Variants in MACROD2 observed in about 807,000 individuals in gnomAD.
MACROD2 encodes mono-ADP ribosylhydrolase 2, also known as ADP-ribose glycohydrolase MACROD2.
Under a neutral mutation model 70.4 loss-of-function variants are expected in MACROD2, and 36 were observed. The ratio of observed to expected loss-of-function variants is 0.51; its 90% CI spans 0.39 to 0.68. MACROD2 has a LOEUF of 0.68. MACROD2 is among the 30% of genes least tolerant of loss of function. The pLI is 0.00. For synonymous variants in MACROD2, 172 were observed against 178.8 expected, an observed-to-expected ratio of 0.96 and a Z score of 0.30; for missense variants, 496 against 538.4, an observed-to-expected ratio of 0.92 and a Z score of 0.78.
chr20:15,605,562 T>C (rs1429735643), intron 8 of MACROD2, among the ~76,000 whole-genome samples: 6 of 151,238 alleles, frequency 4.0e-5, no homozygotes, highest in Admixed American at 2.6e-4. Context: ...CAAAACCAAA[T>C]AGAATAAACA....
rs541713408 is a variant in MACROD2, at chr20:15,021,017, T to C, written c.419-208923T>C. On this transcript the variant is annotated intron_variant, in intron 5 of 17. Coordinates refer to ENST00000684519, the MANE Select transcript of MACROD2 (RefSeq NM_001351661.2). ...ATGTATATGCATACACATGTGTATA[T>C]GTATACACATGTGCATATACGTATA... Among the ~76,000 whole-genome samples, 58 of 147,510 alleles carry C rather than the reference T, an allele frequency of 3.9e-4. No individual in the cohort carries two copies. The South Asian group carries it at 9.0e-3, about 23-fold the overall frequency.
At chr20:14,067,896 A>C (rs2053786276) in intron 2 of MACROD2, among the ~76,000 whole-genome samples, 1 of 152,224 alleles carries the variant, frequency 6.6e-6, no homozygotes, top group Non-Finnish European at 1.5e-5. Context: ...TGTCAGTTGT[A>C]AGACCATGGG....
At chr20:15,516,164 T>C (rs186262895) in intron 8 of MACROD2, among the ~76,000 whole-genome samples, 3,671 of 123,226 alleles carry the variant, frequency 0.03, 144 homozygotes, top group African/African-American at 0.097. Context: ...TTTTTCTCTC[T>C]TTTTTTAGTC....
chr20:14,499,736 C>G (rs747576865), intron 4 of MACROD2, among the ~76,000 whole-genome samples: 6 of 151,980 alleles, frequency 3.9e-5, no homozygotes, highest in Non-Finnish European at 8.8e-5. Context: ...TCCTCCCCGT[C>G]TTCTGTCCTC....
At chr20:14,722,125 T>C (rs1267330133) in intron 5 of MACROD2, among the ~76,000 whole-genome samples, 1 of 152,228 alleles carries the variant, frequency 6.6e-6, no homozygotes, top group Non-Finnish European at 1.5e-5. Context: ...CAAGACTTCT[T>C]CATAAGACTC....
At chr20:16,030,381 A>G (rs1218482450) in intron 15 of MACROD2, among the ~76,000 whole-genome samples, 4 of 152,242 alleles carry the variant, frequency 2.6e-5, no homozygotes, top group African/African-American at 9.6e-5. Flanking sequence ...AAGGAGCCAC[A>G]GAGCAGTATA....
chr20:15,759,886 A>G (rs1390311109), intron 8 of MACROD2, among the ~76,000 whole-genome samples: 1 of 152,228 alleles, frequency 6.6e-6, no homozygotes, highest in East Asian at 1.9e-4. Flanking sequence ...ATGCATTTGT[A>G]CCAGGAAAAT....
intron 8 of MACROD2, among the ~76,000 whole-genome samples, chr20:15,820,967 A>C (rs142393176): frequency 3.1e-4 from 47 of 152,264 alleles, no homozygotes; most frequent in Admixed American, 8.5e-4. Context: ...CACATTACAC[A>C]ATGGAGCACC....
chr20:15,240,356 A>G (rs1052855646), intron 6 of MACROD2, among the ~76,000 whole-genome samples: 1 of 152,182 alleles, frequency 6.6e-6, no homozygotes, highest in Non-Finnish European at 1.5e-5. Context: ...ATTTTCTTCT[A>G]TAGAAGAATT....
At chr20:14,396,989 CTT>C (rs372145747) in intron 3 of MACROD2, among the ~76,000 whole-genome samples, 5 of 96,998 alleles carry the variant, frequency 5.2e-5, no homozygotes, top group African/African-American at 1.6e-4. Flanking sequence ...AGACCATTTA[CTT>C]TTTTTTTTTT....
At chr20:15,706,559 A>C (rs528894689) in intron 8 of MACROD2, among the ~76,000 whole-genome samples, 2 of 152,228 alleles carry the variant, frequency 1.3e-5, no homozygotes, top group Non-Finnish European at 2.9e-5. Flanking sequence ...TAAAATAAAA[A>C]GAGAGTAATT....
At chr20:15,194,505 C>T (rs1018270519) in intron 5 of MACROD2, among the ~76,000 whole-genome samples, 8 of 152,016 alleles carry the variant, frequency 5.3e-5, no homozygotes, top group African/African-American at 9.7e-5. Context: ...AATTCTAGTA[C>T]ACCCTTCACT....
chr20:14,485,798 C>T (rs1264682820), intron 3 of MACROD2, among the ~76,000 whole-genome samples: 1 of 149,532 alleles, frequency 6.7e-6, no homozygotes, highest in Non-Finnish European at 1.5e-5. Context: ...GATTCTTTAA[C>T]ATGTTCAAAT....
intron 4 of MACROD2, among the ~76,000 whole-genome samples, chr20:14,494,594 C>G (rs530308798): frequency 3.0e-4 from 45 of 152,246 alleles, no homozygotes; most frequent in African/African-American, 1.0e-3. Flanking sequence ...TACTAAATAT[C>G]TCCAAGCCTC....
At chr20:14,656,979 A>G (rs1986008678) in intron 4 of MACROD2, among the ~76,000 whole-genome samples, 2 of 152,300 alleles carry the variant, frequency 1.3e-5, no homozygotes, top group African/African-American at 2.4e-5. Flanking sequence ...CATACCTGTC[A>G]TAACATGTAT....
At chr20:15,061,385 G>A (rs2075531568) in intron 5 of MACROD2, among the ~76,000 whole-genome samples, 1 of 152,192 alleles carries the variant, frequency 6.6e-6, no homozygotes, top group African/African-American at 2.4e-5. Flanking sequence ...TAAGGAATCA[G>A]TGGATACCTA....
In MACROD2 at chr20:15,986,780, A is replaced by T; in HGVS notation, c.1039A>T (p.Ser347Cys). The T allele has an allele frequency of 6.2e-7, 1 of 1,613,202 alleles. No individual in the cohort carries two copies. The highest frequency in any genetic ancestry group is 1.1e-5 in the South Asian group (1 of 91,012). ...AATAAAAATTGAAACAGAATCGCAG[A>T]GCTCATATATGGAAACAGAAGGTAC... ...NEIKIETESQSSYMETEELSS... is the reference protein window; with the variant it reads ...NEIKIETESQCSYMETEELSS... Residue 347 changes from serine to cysteine, a missense_variant, in exon 14 of 18, where the codon AGC (serine) becomes TGC (cysteine). Transcript: ENST00000684519.
chr20:14,956,989 G>T (rs986388276), intron 5 of MACROD2, among the ~76,000 whole-genome samples: 1 of 152,038 alleles, frequency 6.6e-6, no homozygotes, highest in Non-Finnish European at 1.5e-5. Flanking sequence ...TTTCCTCTAA[G>T]CTAATTACAG....
intron 3 of MACROD2, among the ~76,000 whole-genome samples, chr20:14,403,381 C>G (rs1170989727): frequency 6.6e-6 from 1 of 152,074 alleles, no homozygotes; most frequent in African/African-American, 2.4e-5. Flanking sequence ...TCCCCCTGCC[C>G]TCAATTATTT....
Sources: allele counts gnomAD v4.1 joint callset (sites outside exome capture counted in the v4.1 genomes callset), GRCh38; gene constraint gnomAD v4.1.1; transcripts MANE v1.5; gene names NCBI Gene and HGNC (gene_info 2026-07-23, HGNC 2026-07-21).